Variants in LRP1 observed in about 807,000 individuals in gnomAD.
LRP1 encodes prolow-density lipoprotein receptor-related protein 1.
LRP1 carries 51 observed loss-of-function variants against 541.5 expected under a neutral mutation model. That is an observed-to-expected ratio of 0.09 (90% CI 0.08 to 0.12). LRP1 has a LOEUF of 0.12. Ranked by LOEUF, LRP1 falls within the 10% of genes least tolerant of loss-of-function variation. The pLI is 1.00. For missense variants in LRP1, 3,878 were observed against 6,376.2 expected (o/e 0.61, Z 13.34); for synonymous variants, 2,219 against 2,470.8 (o/e 0.90, Z 3.02).
In LRP1 at chr12:57,211,142, G is replaced by A. The variant is rs755733226; in HGVS notation, c.12917-34G>A. ...CTATGGAGAGCCCTCATGAGGGTGG[G>A]GCTTGAGGCACTTCTCTCCCTCCCC... On this transcript the variant is annotated intron_variant, in intron 83 of 88. Coordinates refer to ENST00000243077, the MANE Select transcript of LRP1 (RefSeq NM_002332.3). This position sits in a 1 kb window ranked among gnomAD's most constrained non-coding sequence, Gnocchi z 4.3. 6.2e-7 allele frequency: 1 copy of A among 1,608,314 alleles called. No individual in the cohort carries two copies. The highest frequency in any genetic ancestry group is 1.7e-5 in the Admixed American group (1 of 59,950).
chr12:57,150,937 A>G (rs1050413739), intron 6 of LRP1, among the ~76,000 whole-genome samples: 1 of 151,884 alleles, frequency 6.6e-6, no homozygotes, highest in South Asian at 2.1e-4. Context: ...TCCTGGAACA[A>G]GGGCCAGAAT....
Position 57,211,517 on chromosome 12 carries a change from T to C in LRP1, c.13122T>C (p.Cys4374=). The C allele has an allele frequency of 6.2e-7, 1 of 1,614,032 alleles. No homozygotes were observed. Among genetic ancestry groups the C allele is most frequent in the Non-Finnish European group, 8.5e-7 (1 of 1,180,038 alleles). The change falls in exon 85 of 89, where the codon TGT becomes TGC. Residue 4374 remains cysteine (C), a synonymous_variant. Transcript: ENST00000243077. This position sits in a 1 kb window ranked among gnomAD's most constrained non-coding sequence, Gnocchi z 4.3. ...NCTDGRVAPS[C]LTCVGHCSNG... ...CGGATGGCCGGGTGGCCCCCAGCTG[T>C]CTGACCTGCGTCGGCCACTGCAGCA...
intron 10 of LRP1, among the ~76,000 whole-genome samples, chr12:57,157,747 G>T (rs1565723887): frequency 6.6e-6 from 1 of 152,270 alleles, no homozygotes; most frequent in East Asian, 1.9e-4. Context: ...CCTGAGGGAG[G>T]AGCATGTCCG....
intron 6 of LRP1, among the ~76,000 whole-genome samples, chr12:57,148,621 G>A (rs2035463210): frequency 6.6e-6 from 1 of 152,178 alleles, no homozygotes; most frequent in Non-Finnish European, 1.5e-5. Context: ...CCTTCACCTT[G>A]GAGGATGCCA....
rs867675246 is a variant in LRP1 at position 57,210,867 on chromosome 12, C to T, written c.12904C>T (p.Arg4302Cys). 6 of 1,612,186 alleles carry T rather than the reference C, an allele frequency of 3.7e-6. No homozygotes were observed. Among genetic ancestry groups the T allele is most frequent in the Non-Finnish European group, 5.1e-6 (6 of 1,179,294 alleles). The change falls in exon 83 of 89, where the codon CGC becomes TGC. Residue 4302 changes from arginine to cysteine, a missense_variant. Physicochemically the swap from Arg to Cys is radical, Grantham distance 180. Coordinates refer to ENST00000243077, the MANE Select transcript of LRP1 (RefSeq NM_002332.3). ...ATGCCTACCCGGCTTCCTGGGCGAC[C>T]GCTGCCAGTACCGTGAGTGAGCCAT... The part of the protein sequence containing the change: ...CRCLPGFLGD[R>C]CQYRQCSGYC...
Position 57,209,787 on chromosome 12 carries a change from C to T in LRP1, c.12358C>T (p.His4120Tyr). ...TGTCTTCAAGATCCATAAGTTTGGCCACAGCCCCTTGGTCAACCTGACAGG... is the reference window on the plus strand; with the variant it reads ...TGTCTTCAAGATCCATAAGTTTGGCTACAGCCCCTTGGTCAACCTGACAGG... ...NRVFKIHKFG[H>Y]SPLVNLTGGL... The change falls in exon 80 of 89, where the codon CAC becomes TAC. Residue 4120 changes from histidine to tyrosine, a missense_variant. Coordinates refer to ENST00000243077, the MANE Select transcript of LRP1 (RefSeq NM_002332.3). 6.2e-7 allele frequency: 1 copy of T among 1,614,218 alleles called. No individual in the cohort carries two copies. Among genetic ancestry groups the T allele is most frequent in the East Asian group, 2.2e-5 (1 of 44,886 alleles).
At chr12:57,186,255 G>T (rs2036269065) in intron 41 of LRP1, among the ~76,000 whole-genome samples, 1 of 152,202 alleles carries the variant, frequency 6.6e-6, no homozygotes, top group African/African-American at 2.4e-5. Flanking sequence ...TGCCAAGCCT[G>T]AGCCTTCTCA....
intron 41 of LRP1, 114 bp from the exon 42 acceptor site, chr12:57,187,153 C>T: frequency 9.3e-7 from 1 of 1,078,458 alleles, no homozygotes; most frequent in Non-Finnish European, 1.3e-6. Context: ...ACTCCCATAC[C>T]CCACACTTCG....
At chr12:57,190,576 A>G (rs1162956930) in intron 42 of LRP1, among the ~76,000 whole-genome samples, 3 of 152,202 alleles carry the variant, frequency 2.0e-5, no homozygotes, top group Non-Finnish European at 4.4e-5. Context: ...TGCAATGTGA[A>G]TATCTCACAC....
intron 31 of LRP1, 71 bp from the exon 32 acceptor site, chr12:57,180,259 C>T (rs914114355): frequency 9.5e-5 from 151 of 1,593,416 alleles, no homozygotes; most frequent in Non-Finnish European, 1.2e-4. Flanking sequence ...TGCCTGTTCT[C>T]ACCATCTGCT....
At position 57,178,212 on chromosome 12, in the gene LRP1, T is replaced by C; in HGVS notation, c.4362-147T>C. 2.2e-6 allele frequency: 2 copies of C among 926,370 alleles called. No individual in the cohort carries two copies. The highest frequency in any genetic ancestry group is 5.3e-5 in the East Asian group (2 of 37,718). 57.4% of individuals were successfully genotyped at this position (926,370 alleles called of 1,614,324 possible). On this transcript the variant is annotated intron_variant, in intron 26 of 88. Transcript: ENST00000243077. The surrounding 1 kb of genome is among the most constrained non-coding windows in gnomAD (Gnocchi z 5.8). Reference sequence around the variant, plus strand: ...CACCTTGGTCCTTCTGTCTGTCTGCTCTGGCCAGCAAGGCTTAGGGGAGGG... The same window carrying C: ...CACCTTGGTCCTTCTGTCTGTCTGCCCTGGCCAGCAAGGCTTAGGGGAGGG...
intron 2 of LRP1, among the ~76,000 whole-genome samples, chr12:57,138,869 C>G (rs1226045076): frequency 2.0e-5 from 3 of 152,224 alleles, no homozygotes; most frequent in Admixed American, 6.5e-5. Context: ...GCCTCCCTTT[C>G]CTTCCAGCTC....
chr12:57,166,129 G>A lies in LRP1; in HGVS notation c.2717G>A (p.Arg906Gln), dbSNP rs1463838171. 6.2e-7 allele frequency: 1 copy of A among 1,614,226 alleles called. No homozygotes were observed. The change falls in exon 17 of 89, where the codon CGG becomes CAG. Residue 906 changes from arginine to glutamine, a missense_variant. Transcript: ENST00000243077. The part of the protein sequence containing the change: ...PSDRFKCENN[R>Q]CIPNRWLCDG... ...GACCGATTCAAGTGCGAGAACAACC[G>A]GTGCATCCCCAACCGCTGGCTCTGC...
rs200648115 is a variant in LRP1, at chr12:57,194,612, G to A, written c.8104G>A (p.Ala2702Thr). 24 of 1,611,558 alleles carry A rather than the reference G, an allele frequency of 1.5e-5. No homozygotes were observed. In the Admixed American group the frequency reaches 1.5e-4, roughly 10 times the overall value. Residue 2702 changes from alanine (A) to threonine (T), a missense_variant, in exon 50 of 89, where the codon GCC becomes ACC. This residue lies in a region of LRP1 where 1,100 missense variants were observed against 1,827.4 expected (regional missense o/e 0.60). Coordinates refer to ENST00000243077, the MANE Select transcript of LRP1 (RefSeq NM_002332.3). ...CCCCAGATGCCCTCTGAATTACTTC[G>A]CCTGCCCTAGTGGGCGCTGCATCCC... ...KRPRCPLNYF[A>T]CPSGRCIPMS...
intron 43 of LRP1, 79 bp from the exon 44 acceptor site, chr12:57,191,241 C>A: frequency 1.4e-6 from 2 of 1,401,898 alleles, no homozygotes; most frequent in Non-Finnish European, 1.9e-6. Flanking sequence ...CTGTCAGAGG[C>A]CAGGCCAGGC....
Position 57,205,334 on chromosome 12 carries a change from C to T in LRP1, c.11336-17C>T, listed in dbSNP as rs745912089. ...GGGGTGGCTCAAGGGAGGGCATCCA[C>T]TCTCTGTCCCCCACAGACCCCAAGC... On this transcript the variant is annotated splice_polypyrimidine_tract_variant and intron_variant, in intron 73 of 88. Transcript: ENST00000243077. This position sits in a 1 kb window ranked among gnomAD's most constrained non-coding sequence, Gnocchi z 4.6. 5 of 1,593,272 alleles carry T rather than the reference C, an allele frequency of 3.1e-6. No individual in the cohort carries two copies. The East Asian group carries it at 6.7e-5, about 21-fold the overall frequency.
intron 44 of LRP1, 108 bp downstream of exon 44, chr12:57,191,620 C>CCA: frequency 4.3e-6 from 4 of 929,922 alleles, no homozygotes; most frequent in Non-Finnish European, 6.3e-6. Context: ...CCTACACATA[C>CCA]CACACACACA....
In LRP1 at chr12:57,211,361, C is replaced by A; in HGVS notation, c.13091+11C>A. On this transcript the variant is annotated intron_variant, in intron 84 of 88. Coordinates refer to ENST00000243077, the MANE Select transcript of LRP1 (RefSeq NM_002332.3). This position sits in a 1 kb window ranked among gnomAD's most constrained non-coding sequence, Gnocchi z 4.3. ...GGATGTCACCTGCAAGTGAGTGGGG[C>A]CCTCCTCCACAGTTCCACCCAGCTG... 6 of 1,613,244 alleles carry A rather than the reference C, an allele frequency of 3.7e-6. No homozygotes were observed. The highest frequency in any genetic ancestry group is 5.1e-6 in the Non-Finnish European group (6 of 1,179,782).
Position 57,173,068 on chromosome 12 carries a change from T to C in LRP1, c.3164-100T>C. 1.0e-6 allele frequency: 1 copy of C among 970,380 alleles called. No individual in the cohort carries two copies. Among genetic ancestry groups the C allele is most frequent in the Non-Finnish European group, 1.5e-6 (1 of 658,828 alleles). The allele number at this position is 970,380 out of a possible 1,614,324, so 60.1% of individuals were successfully genotyped here. On this transcript the variant is annotated intron_variant, in intron 20 of 88. Coordinates refer to ENST00000243077, the MANE Select transcript of LRP1 (RefSeq NM_002332.3). This position sits in a 1 kb window ranked among gnomAD's most constrained non-coding sequence, Gnocchi z 4.7. Reference sequence around the variant, plus strand: ...GACTCTCCAGGCCTGCCTCTGCTCATATCCCCAGGCTGGGCTTACCGGGGT... The same window carrying C: ...GACTCTCCAGGCCTGCCTCTGCTCACATCCCCAGGCTGGGCTTACCGGGGT...
Sources: allele counts gnomAD v4.1 joint callset (sites outside exome capture counted in the v4.1 genomes callset), GRCh38; gene constraint gnomAD v4.1.1; regional missense constraint gnomAD v4.1.1; non-coding constraint Gnocchi (gnomAD v3.1); transcripts MANE v1.5; gene names NCBI Gene and HGNC (gene_info 2026-07-23, HGNC 2026-07-21).